Variants in MATN3 observed in about 807,000 individuals in gnomAD.
MATN3 encodes the protein matrilin-3.
A neutral mutation model predicts 45.3 loss-of-function variants in MATN3; 48 were observed. The ratio of observed to expected loss-of-function variants is 1.06; its 90% CI spans 0.84 to 1.35. MATN3 has a LOEUF of 1.35. MATN3 is among the 40% of genes most tolerant of loss of function. MATN3 has a pLI of 0.00. For missense variants in MATN3, 599 were observed against 628.0 expected (o/e 0.95, Z 0.49); for synonymous variants, 217 against 245.9 (o/e 0.88, Z 1.10).
At chr2:20,003,832 G>C (rs1005343564) in intron 2 of MATN3, among the ~76,000 whole-genome samples, 3 of 152,156 alleles carry the variant, frequency 2.0e-5, no homozygotes, top group Non-Finnish European at 4.4e-5. Context: ...AGGACAGTTC[G>C]GGTAACTGTC....
chr2:19,997,767 C>T (rs1374377334), intron 5 of MATN3: 3 of 133,618 alleles, frequency 2.2e-5, no homozygotes, highest in African/African-American at 1.0e-4. Context: ...CCAGGAGACA[C>T]ATGCACACAC....
intron 2 of MATN3, among the ~76,000 whole-genome samples, chr2:20,003,629 C>G (rs1439574816): frequency 2.0e-5 from 3 of 152,140 alleles, no homozygotes; most frequent in African/African-American, 7.2e-5. Flanking sequence ...TTGTGCTTCC[C>G]CACCACAAGA....
intron 5 of MATN3, 141 bp from the exon 6 acceptor site, chr2:19,997,400 C>G (rs1407730615): frequency 2.6e-6 from 2 of 778,346 alleles, no homozygotes; most frequent in Non-Finnish European, 4.0e-6. Context: ...AGGCCCCATG[C>G]TGCAGGAGCA....
intron 1 of MATN3, among the ~76,000 whole-genome samples, chr2:20,009,417 G>A (rs1434703706): frequency 6.6e-6 from 1 of 152,046 alleles, no homozygotes; most frequent in Non-Finnish European, 1.5e-5. Flanking sequence ...CTCATAAGTG[G>A]GAGTTGAACA....
Position 19,992,653 on chromosome 2 carries a change from C to A in MATN3, c.*458G>T, listed in dbSNP as rs751857233. The A allele has an allele frequency of 3.8e-5, 6 of 159,918 alleles. No homozygotes were observed. Among genetic ancestry groups the A allele is most frequent in the Non-Finnish European group, 6.8e-5 (5 of 73,474 alleles). 9.9% of individuals were successfully genotyped at this position (159,918 alleles called of 1,614,324 possible). The stretch of plus-strand genomic sequence containing the variant: ...GTGTTAAACAGTTCAAAATTACATT[C>A]ATCTCAGTTATATGAAGTTGTATGT... On this transcript the variant is annotated 3_prime_UTR_variant, in exon 8 of 8. Transcript: ENST00000407540.
intron 1 of MATN3, among the ~76,000 whole-genome samples, chr2:20,010,632 A>T (rs999586569): frequency 1.3e-5 from 2 of 152,222 alleles, no homozygotes; most frequent in African/African-American, 4.8e-5. Flanking sequence ...GAAAAAGGCC[A>T]TAAGCCAAGG....
At chr2:19,993,459 T>C (rs1278279631) in intron 7 of MATN3, among the ~76,000 whole-genome samples, 1 of 152,166 alleles carries the variant, frequency 6.6e-6, no homozygotes, top group Non-Finnish European at 1.5e-5. Context: ...TATGAAGTAT[T>C]GATTAAAGGG....
At chr2:20,011,244 T>A (rs1673213831) in intron 1 of MATN3, among the ~76,000 whole-genome samples, 1 of 152,312 alleles carries the variant, frequency 6.6e-6, no homozygotes, top group Non-Finnish European at 1.5e-5. Flanking sequence ...TCCTTCCTCT[T>A]CCAGTCCCAT....
In MATN3 at chr2:19,994,307, T is replaced by C; in HGVS notation, c.1397A>G (p.Asn466Ser). The C allele has an allele frequency of 6.2e-7, 1 of 1,609,462 alleles. No homozygotes were observed. Among genetic ancestry groups the C allele is most frequent in the South Asian group, 1.1e-5 (1 of 90,732 alleles). ...DKVSSYLQRL[N>S]TKLDDILEKL... ...CCTTCCAGAAAGGATATGTTTAGTG[T>C]TCAGTCTTTGAAGATACGAGCTGAC... The change falls in exon 7 of 8, where the codon AAC becomes AGC. Residue 466 changes from asparagine to serine, a missense_variant. Physicochemically the swap from Asn to Ser is conservative, Grantham distance 46. Coordinates refer to ENST00000407540, the MANE Select transcript of MATN3 (RefSeq NM_002381.5).
chr2:20,012,458 G>C lies in MATN3; in HGVS notation c.174C>G (p.Asp58Glu), dbSNP rs972108467. 8.1e-7 allele frequency: 1 copy of C among 1,229,264 alleles called. No homozygotes were observed. Among genetic ancestry groups the C allele is most frequent in the African/African-American group, 1.6e-5 (1 of 64,216 alleles). The allele number at this position is 1,229,264 out of a possible 1,614,324, so 76.1% of individuals were successfully genotyped here. Reference protein sequence around the residue: ...PGRRPSPAAPDGAPASGTSEP... With the variant: ...PGRRPSPAAPEGAPASGTSEP... ...CGCTGGTCCCGGAAGCGGGCGCGCC[G>C]TCGGGAGCCGCAGGAGAGGGGCGGC... Residue 58 changes from aspartate (D) to glutamate (E), a missense_variant, in exon 1 of 8, where the codon GAC becomes GAG. Physicochemically the swap from Asp to Glu is conservative, Grantham distance 45. Coordinates refer to ENST00000407540, the MANE Select transcript of MATN3 (RefSeq NM_002381.5). This position sits in a 1 kb window ranked among gnomAD's most constrained non-coding sequence, Gnocchi z 4.3.
At chr2:20,006,395 A>G in intron 1 of MATN3, 85 bp from the exon 2 acceptor site, 2 of 1,078,714 alleles carry the variant, frequency 1.9e-6, no homozygotes, top group Non-Finnish European at 2.6e-6. Flanking sequence ...CCAGGAGGCC[A>G]GGCAAGGCAG....
At chr2:20,009,170 A>G (rs1339233904) in intron 1 of MATN3, among the ~76,000 whole-genome samples, 1 of 150,656 alleles carries the variant, frequency 6.6e-6, no homozygotes, top group Non-Finnish European at 1.5e-5. Context: ...GGCTGCAGTG[A>G]GCCACAATCA....
chr2:20,010,270 A>C (rs76942110), intron 1 of MATN3, among the ~76,000 whole-genome samples: 2,088 of 152,204 alleles, frequency 0.014, 46 homozygotes, highest in African/African-American at 0.049. Context: ...CCAGCACCCA[A>C]ATGGTGTCCT....
chr2:20,006,059 C>T lies in MATN3; in HGVS notation c.475G>A (p.Gly159Ser). 6.2e-7 allele frequency: 1 copy of T among 1,614,028 alleles called. No homozygotes were observed. The highest frequency in any genetic ancestry group is 8.5e-7 in the Non-Finnish European group (1 of 1,179,886). The change falls in exon 2 of 8, where the codon GGC becomes AGC. Residue 159 changes from glycine (G) to serine (S), a missense_variant. By Grantham distance (56) the Gly-to-Ser change is moderately conservative. Transcript: ENST00000407540. Reference protein sequence around the residue: ...AVGRITPLSTGTMSGLAIQTA... With the variant: ...AVGRITPLSTSTMSGLAIQTA... ...TGGATGGCTAGGCCTGACATGGTGC[C>T]TGTTGACAAGGGTGTGATTCGACCC... is the stretch of plus-strand genomic sequence containing the variant.
At chr2:20,005,580 TCGCACACACGCGCGCATGCACACGTG>T (rs1406536363) in intron 2 of MATN3, among the ~76,000 whole-genome samples, 138 bp downstream of exon 2, 1 of 152,208 alleles carries the variant, frequency 6.6e-6, no homozygotes, top group African/African-American at 2.4e-5. Flanking sequence ...TTTAGGTTGG[TCGCACACACGCGCGCATGCACACGTG>T]CACACACACA....
At position 20,005,830 on chromosome 2, in the gene MATN3, C is replaced by G; in HGVS notation, c.704G>C (p.Ser235Thr). ...GAAAACATGCTCCTCTAGGGGCTCA[C>G]TGGCCATCATCTTGAGGGACGCCAT... The part of the protein sequence containing the change: ...ADMASLKMMA[S>T]EPLEEHVFYV... Residue 235 changes from serine to threonine, a missense_variant, in exon 2 of 8, where the codon AGT (serine) becomes ACT (threonine). By Grantham distance (58) the Ser-to-Thr change is moderately conservative. Coordinates refer to ENST00000407540, the MANE Select transcript of MATN3 (RefSeq NM_002381.5). The G allele has an allele frequency of 6.2e-7, 1 of 1,610,786 alleles. No homozygotes were observed. Among genetic ancestry groups the G allele is most frequent in the South Asian group, 1.1e-5 (1 of 90,320 alleles).
At chr2:20,010,760 A>T (rs1216851106) in intron 1 of MATN3, among the ~76,000 whole-genome samples, 1 of 152,194 alleles carries the variant, frequency 6.6e-6, no homozygotes, top group African/African-American at 2.4e-5. Flanking sequence ...CCAGGGTCAG[A>T]CTTCTGACCC....
intron 4 of MATN3, among the ~76,000 whole-genome samples, chr2:20,001,662 G>A (rs969935253): frequency 6.6e-6 from 1 of 152,160 alleles, no homozygotes; most frequent in Admixed American, 6.5e-5. Flanking sequence ...TAAGCAACAG[G>A]TAACTTGTGG....
Position 20,005,921 on chromosome 2 carries a change from C to A in MATN3, c.613G>T (p.Glu205Ter), listed in dbSNP as rs768627357. 1 of 1,613,588 alleles carries A rather than the reference C, an allele frequency of 6.2e-7. No individual in the cohort carries two copies. Among genetic ancestry groups the A allele is most frequent in the Non-Finnish European group, 8.5e-7 (1 of 1,179,710 alleles). ...TDGRPQDQVN[E>*]VAARAQASGI... Reference sequence around the variant, plus strand: ...GATGCTTGGGCCCGAGCCGCCACCTCATTCACCTGGTCCTGGGGCCTCCCA... The same window carrying A: ...GATGCTTGGGCCCGAGCCGCCACCTAATTCACCTGGTCCTGGGGCCTCCCA... The change falls in exon 2 of 8, where the codon GAG (glutamate) becomes TAG (stop). Residue 205 changes from glutamate (E) to a stop codon, truncating the protein, a stop_gained. Transcript: ENST00000407540. LOFTEE classifies it high-confidence loss of function.
Sources: allele counts gnomAD v4.1 joint callset (sites outside exome capture counted in the v4.1 genomes callset), GRCh38; gene constraint gnomAD v4.1.1; non-coding constraint Gnocchi (gnomAD v3.1); transcripts MANE v1.5; gene names NCBI Gene and HGNC (gene_info 2026-07-23, HGNC 2026-07-21).